SPTBN5: variants seen among roughly 807,000 people sequenced by gnomAD.
The protein encoded by SPTBN5 is spectrin beta, non-erythrocytic 5.
A neutral mutation model predicts 477.6 loss-of-function variants in SPTBN5; 513 were observed. The observed-to-expected ratio is 1.07, with a 90% confidence interval of 1.00 to 1.16. The LOEUF (loss-of-function observed/expected upper bound fraction) is 1.16, where lower values mean the gene tolerates loss of function less well. SPTBN5 is among the 50% of genes most tolerant of loss of function. The pLI, the probability that SPTBN5 is intolerant of heterozygous loss-of-function variation, is 0.00. For missense variants in SPTBN5, 5,062 were observed against 4,731.8 expected, an observed-to-expected ratio of 1.07 and a Z score of -2.05; for synonymous variants, 2,169 against 2,011.7, an observed-to-expected ratio of 1.08 and a Z score of -2.09.
chr15:41,852,420 G>T, intron 61 of SPTBN5, 104 bp from the exon 62 acceptor site: 1 of 1,440,434 alleles, frequency 6.9e-7, no homozygotes, highest in Non-Finnish European at 9.3e-7. Flanking sequence ...GGTCAGAGGG[G>T]GCCTGCCTCC....
rs761069150 is a variant in SPTBN5 at position 41,854,967 on chromosome 15, C to T, written c.9433G>A (p.Glu3145Lys). ...TCCTTTCTGAAAGCATCAAACTTCT[C>T]TTCCAGCACCTGCAAAGGTATGAGG... ...QDLEGVKVLE[E>K]KFDAFRKEVQ... The change falls in exon 56 of 68, where the codon GAG becomes AAG. Residue 3145 changes from glutamate to lysine, a missense_variant. Coordinates refer to ENST00000320955, the MANE Select transcript of SPTBN5 (RefSeq NM_016642.4). 60 of 1,543,158 alleles carry T rather than the reference C, an allele frequency of 3.9e-5. No individual in the cohort carries two copies. The highest frequency in any genetic ancestry group is 5.1e-5 in the Non-Finnish European group (58 of 1,144,952).
At position 41,879,198 on chromosome 15, in the gene SPTBN5, C is replaced by T; in HGVS notation, c.3182+62G>A. On this transcript the variant is annotated intron_variant, in intron 16 of 67. Transcript: ENST00000320955. ...TTTCTGTCCCTTCCTCATTCCACTG[C>T]CCTGCCCACGCCTTCCCATGGTCCT... 7.1e-6 allele frequency: 11 copies of T among 1,553,956 alleles called. 1 individual carries two copies. The South Asian group carries it at 7.3e-5, about 10-fold the overall frequency.
At chr15:41,875,141 T>C (rs2066681900) in intron 22 of SPTBN5, 85 bp from the exon 23 acceptor site, 1 of 1,305,466 alleles carries the variant, frequency 7.7e-7, no homozygotes, top group African/African-American at 1.5e-5. Flanking sequence ...TGTTGGACTT[T>C]TAGGACCAGA....
rs1261765946 is a variant in SPTBN5 at position 41,866,998 on chromosome 15, G to A, written c.6441C>T (p.Ala2147=). Residue 2147 remains alanine (A), a synonymous_variant, in exon 36 of 68, where the codon GCC becomes GCT. Transcript: ENST00000320955. The part of the protein sequence containing the change: ...LAESRGHALH[A]SLLMASFTQA... ...GGGTGAAGCTGGCCATCAGCAGGGA[G>A]GCATGCAGGGCGTGTCCCCGGCTCT... 3 of 1,567,428 alleles carry A rather than the reference G, an allele frequency of 1.9e-6. No homozygotes were observed. The highest frequency in any genetic ancestry group is 8.6e-7 in the Non-Finnish European group (1 of 1,156,570).
At chr15:41,864,330 C>T (rs2066224704) in intron 39 of SPTBN5, among the ~76,000 whole-genome samples, 2 of 152,124 alleles carry the variant, frequency 1.3e-5, no homozygotes, top group African/African-American at 4.8e-5. Flanking sequence ...CTAACAGAGA[C>T]TCTTGAGACG....
At chr15:41,852,339 C>T (rs763861057) in intron 61 of SPTBN5, 23 bp from the exon 62 acceptor site, 4 of 1,542,788 alleles carry the variant, frequency 2.6e-6, no homozygotes, top group East Asian at 4.8e-5. Flanking sequence ...GCAAGGTGGG[C>T]AAGGTGAGCC....
intron 58 of SPTBN5, 50 bp downstream of exon 58, chr15:41,853,532 C>T: frequency 6.5e-7 from 1 of 1,542,120 alleles, no homozygotes; most frequent in Non-Finnish European, 8.8e-7. Context: ...GCCAGGATAC[C>T]CCCACCCCAC....
chr15:41,890,244 T>C (rs12905012), intron 3 of SPTBN5, 39 bp from the exon 4 acceptor site: 352,411 of 1,449,616 alleles, frequency 0.24, 45,135 homozygotes, highest in Middle Eastern at 0.43. Flanking sequence ...ATGAAGCCCA[T>C]GTCCAGAGAG....
rs1335042656 is a variant in SPTBN5 at position 41,854,148 on chromosome 15, C to G, written c.9676G>C (p.Gly3226Arg). 5 of 1,596,722 alleles carry G rather than the reference C, an allele frequency of 3.1e-6. No individual in the cohort carries two copies. The East Asian group carries it at 1.1e-4, about 36-fold the overall frequency. The change falls in exon 57 of 68, where the codon GGA becomes CGA. Residue 3226 changes from glycine (G) to arginine (R), a missense_variant. By Grantham distance (125) the Gly-to-Arg change is moderately radical (BLOSUM62 -2). Coordinates refer to ENST00000320955, the MANE Select transcript of SPTBN5 (RefSeq NM_016642.4). ...SFQQAAAELQ[G>R]RMQEKTALMK... ...AGGGCCGTCTTCTCCTGCATCCTTC[C>G]CTGGAGCTCAGCTGCTGCCTGCTGA...
At chr15:41,871,620 C>A in intron 28 of SPTBN5, 100 bp from the exon 29 acceptor site, 1 of 1,415,978 alleles carries the variant, frequency 7.1e-7, no homozygotes, top group Non-Finnish European at 9.3e-7. Flanking sequence ...GTGATGTGGG[C>A]TTGGATAGCC....
chr15:41,864,591 A>G (rs767289194), intron 39 of SPTBN5, among the ~76,000 whole-genome samples: 61 of 152,326 alleles, frequency 4.0e-4, no homozygotes, highest in Admixed American at 1.2e-3. Context: ...TGGGATTACA[A>G]GCGTGAGCCA....
intron 49 of SPTBN5, 133 bp from the exon 50 acceptor site, chr15:41,857,843 T>G: frequency 9.3e-7 from 1 of 1,076,470 alleles, no homozygotes; most frequent in Non-Finnish European, 1.3e-6. Flanking sequence ...AGCAACTTTC[T>G]TTACCTAAGC....
chr15:41,857,441 G>T lies in SPTBN5; in HGVS notation c.8418C>A (p.Ile2806=), dbSNP rs780134986. 3.5e-5 allele frequency: 56 copies of T among 1,606,806 alleles called. No individual in the cohort carries two copies. The highest frequency in any genetic ancestry group is 4.6e-5 in the Non-Finnish European group (54 of 1,177,152). ...MEELENWLEP[I]EVELRAPTVG... is the part of the protein sequence containing the mutation. ...CAGTGGGGGCTCTCAGCTCAACCTC[G>T]ATGGGCTCCAGCCAGTTCTCCAGTT... The change falls in exon 51 of 68, where the codon ATC becomes ATA. Residue 2806 remains isoleucine (I), a synonymous_variant. Transcript: ENST00000320955.
At position 41,851,233 on chromosome 15, in the gene SPTBN5, C is replaced by CT. The variant is rs749658505; in HGVS notation, c.10743+49dup. On this transcript the variant is annotated intron_variant, in intron 64 of 67. Coordinates refer to ENST00000320955, the MANE Select transcript of SPTBN5 (RefSeq NM_016642.4). ...TCCCTCTGTCCTGGGGCCCCTCTGC[C>CT]TTGCTTCCCAGCACCCTGATGTCTG... is the stretch of plus-strand genomic sequence containing the variant. 3.2e-6 allele frequency: 5 copies of CT among 1,559,550 alleles called. No individual in the cohort carries two copies. The South Asian group carries it at 4.7e-5, about 15-fold the overall frequency.
Position 41,868,185 on chromosome 15 carries a change from G to A in SPTBN5, c.6091C>T (p.Arg2031Trp), listed in dbSNP as rs763470217. 8 of 1,582,664 alleles carry A rather than the reference G, an allele frequency of 5.1e-6. No homozygotes were observed. The highest frequency in any genetic ancestry group is 2.7e-5 in the African/African-American group (2 of 74,340). Residue 2031 changes from arginine to tryptophan, a missense_variant, in exon 34 of 68, where the codon CGG becomes TGG. Coordinates refer to ENST00000320955, the MANE Select transcript of SPTBN5 (RefSeq NM_016642.4). ...QEELRALQDQ[R>W]DQVYQTWARK... is the part of the protein sequence containing the mutation. ...GCCCAGGTCTGATACACCTGGTCCC[G>A]CTGGTCCTGCAGGGCTCGAAGCTCT...
Position 41,879,277 on chromosome 15 carries a change from G to C in SPTBN5, c.3165C>G (p.Leu1055=), listed in dbSNP as rs576277587. The C allele has an allele frequency of 6.2e-7, 1 of 1,611,694 alleles. No individual in the cohort carries two copies. The highest frequency in any genetic ancestry group is 1.7e-4 in the Middle Eastern group (1 of 5,942). Residue 1055 remains leucine (L), a synonymous_variant, in exon 16 of 68, where the codon CTC becomes CTG. Coordinates refer to ENST00000320955, the MANE Select transcript of SPTBN5 (RefSeq NM_016642.4). ...GGCCGTACTTTACGACCACACTTTG[G>C]AGGAAGTGGACCCTCCTCTCCAGCA... The part of the protein sequence containing the change: ...TLVLERRVHF[L]QSVVVKVEEP...
In SPTBN5 at chr15:41,853,455, G is replaced by C. The variant is rs1464392909; in HGVS notation, c.9981-8C>G. 6.4e-7 allele frequency: 1 copy of C among 1,564,110 alleles called. No individual in the cohort carries two copies. The highest frequency in any genetic ancestry group is 2.3e-5 in the East Asian group (1 of 43,272). On this transcript the variant is annotated splice_polypyrimidine_tract_variant and splice_region_variant and intron_variant, in intron 58 of 67. Coordinates refer to ENST00000320955, the MANE Select transcript of SPTBN5 (RefSeq NM_016642.4). ...CTCTCCTGTGCCCATGCTCTGTGGGGCAGGGAAGGGAGCTGTTGTCAGGGC... is the reference window on the plus strand; with the variant it reads ...CTCTCCTGTGCCCATGCTCTGTGGGCCAGGGAAGGGAGCTGTTGTCAGGGC...
intron 4 of SPTBN5, among the ~76,000 whole-genome samples, chr15:41,888,817 C>A (rs996894539): frequency 3.9e-5 from 6 of 152,240 alleles, no homozygotes; most frequent in Admixed American, 6.5e-5. Flanking sequence ...ACTTCCCCTG[C>A]CCTCTGGGCC....
rs565022015 is a variant in SPTBN5, at chr15:41,866,170, C to G, written c.6690G>C (p.Leu2230=). The G allele has an allele frequency of 2.9e-5, 46 of 1,570,008 alleles. No homozygotes were observed. The East Asian group carries it at 7.8e-4, about 26-fold the overall frequency. Residue 2230 remains leucine (L), a synonymous_variant, in exon 38 of 68, where the codon CTG becomes CTC. Coordinates refer to ENST00000320955, the MANE Select transcript of SPTBN5 (RefSeq NM_016642.4). The part of the protein sequence containing the change: ...HPRAGEVSQR[L]QGLRKHWEDL... Reference sequence around the variant, plus strand: ...CCTCCCAGTGCTTCCGCAGGCCCTGCAGCCGCTGGGAGACCTCTCCGGCTC... The same window carrying G: ...CCTCCCAGTGCTTCCGCAGGCCCTGGAGCCGCTGGGAGACCTCTCCGGCTC...
Sources: allele counts gnomAD v4.1 joint callset (sites outside exome capture counted in the v4.1 genomes callset), GRCh38; gene constraint gnomAD v4.1.1; transcripts MANE v1.5; gene names NCBI Gene and HGNC (gene_info 2026-07-23, HGNC 2026-07-21).